The following EFCAB6 variants were observed in gnomAD, a reference collection of about 807,000 sequenced individuals.
EFCAB6 encodes the protein EF-hand calcium binding domain 6.
EFCAB6 carries 156 observed loss-of-function variants against 169.8 expected under a neutral mutation model. The ratio of observed to expected loss-of-function variants is 0.92; its 90% CI spans 0.81 to 1.05. The LOEUF (loss-of-function observed/expected upper bound fraction) is 1.05, where lower values mean the gene tolerates loss of function less well. EFCAB6 is among the 50% of genes least tolerant of loss of function. The pLI, the probability that EFCAB6 is intolerant of heterozygous loss-of-function variation, is 0.00. For synonymous variants in EFCAB6, 698 were observed against 676.4 expected, an observed-to-expected ratio of 1.03 and a Z score of -0.50; for missense variants, 1,800 against 1,829.1, an observed-to-expected ratio of 0.98 and a Z score of 0.29.
intron 8 of EFCAB6, among the ~76,000 whole-genome samples, chr22:43,721,854 C>T (rs1172110843): frequency 2.0e-5 from 3 of 152,014 alleles, no homozygotes; most frequent in Admixed American, 2.0e-4. Context: ...TTGGCTAAGT[C>T]CCCAAAAGCA....
rs545176219 is a variant in EFCAB6 at position 43,709,226 on chromosome 22, C to T, written c.1031+2249G>A. Among the ~76,000 whole-genome samples, 544 of 152,208 alleles carry T rather than the reference C, an allele frequency of 3.6e-3. 3 individuals carry two copies. Among genetic ancestry groups the T allele is most frequent in the South Asian group, 0.011 (51 of 4,824 alleles). ...CCTCCCAAATAGCTGGGATTACAGG[C>T]GCCCACCACCATGCCCGGCTAATTT... is the stretch of plus-strand genomic sequence containing the variant. On this transcript the variant is annotated intron_variant, in intron 10 of 31. Transcript: ENST00000262726.
At chr22:43,679,678 T>C (rs2057925670) in intron 12 of EFCAB6, among the ~76,000 whole-genome samples, 2 of 152,180 alleles carry the variant, frequency 1.3e-5, no homozygotes, top group African/African-American at 4.8e-5. Flanking sequence ...ATAGCCATCC[T>C]AGAGGGTGAG....
At chr22:43,748,688 GA>G (rs2060650228) in intron 6 of EFCAB6, among the ~76,000 whole-genome samples, 2 of 152,192 alleles carry the variant, frequency 1.3e-5, no homozygotes. Context: ...GGACAGGACA[GA>G]AAAGGTGCCT....
In EFCAB6 at chr22:43,540,322, G is replaced by T. The variant is rs1387518000; in HGVS notation, c.3684C>A (p.Ala1228=). 6.2e-7 allele frequency: 1 copy of T among 1,614,142 alleles called. No individual in the cohort carries two copies. The highest frequency in any genetic ancestry group is 1.3e-5 in the African/African-American group (1 of 75,042). Residue 1228 remains alanine (A), a synonymous_variant, in exon 28 of 32, where the codon GCC becomes GCA. Transcript: ENST00000262726. ...DRLWNEMPVN[A]KGRLKYPDFL... is the part of the protein sequence containing the mutation. ...AGTCCGGGTATTTCAGCCTCCCCTTGGCATTGACTGGCATCTCGTTCCAGA... is the reference window on the plus strand; with the variant it reads ...AGTCCGGGTATTTCAGCCTCCCCTTTGCATTGACTGGCATCTCGTTCCAGA...
rs1203663872 is a variant in EFCAB6, at chr22:43,595,659, A to C, written c.2876+4410T>G. 2.6e-5 allele frequency among the ~76,000 whole-genome samples: 4 copies of C among 152,160 alleles called. No individual in the cohort carries two copies. In the East Asian group the frequency reaches 7.7e-4, roughly 29 times the overall value. On this transcript the variant is annotated intron_variant, in intron 23 of 31. Transcript: ENST00000262726. Reference sequence around the variant, plus strand: ...CCTGATGGCTTCACTGCTAAAATCTACCAAACATTTAGAGAAGAACTAATA... The same window carrying C: ...CCTGATGGCTTCACTGCTAAAATCTCCCAAACATTTAGAGAAGAACTAATA...
At chr22:43,777,128 T>C (rs965622439) in intron 3 of EFCAB6, among the ~76,000 whole-genome samples, 2 of 151,942 alleles carry the variant, frequency 1.3e-5, no homozygotes, top group African/African-American at 4.8e-5. Context: ...TTAAAGAAAA[T>C]AGAGAAATCA....
chr22:43,786,115 C>A (rs1043855855), intron 2 of EFCAB6, among the ~76,000 whole-genome samples: 1 of 152,198 alleles, frequency 6.6e-6, no homozygotes, highest in Non-Finnish European at 1.5e-5. Context: ...GTAATCCCAG[C>A]ACTTTGGGAG....
intron 17 of EFCAB6, among the ~76,000 whole-genome samples, chr22:43,658,273 T>C (rs1186517366): frequency 1.3e-5 from 2 of 151,920 alleles, no homozygotes; most frequent in Non-Finnish European, 2.9e-5. Flanking sequence ...ACAAAAGGCA[T>C]CAGAGAGCAA....
chr22:43,747,135 C>T (rs2060593756), intron 6 of EFCAB6, among the ~76,000 whole-genome samples: 1 of 152,230 alleles, frequency 6.6e-6, no homozygotes, highest in Admixed American at 6.5e-5. Context: ...CCTAGCCAGC[C>T]ACAGACCACC....
At chr22:43,738,672 C>G (rs1040905936) in intron 6 of EFCAB6, among the ~76,000 whole-genome samples, 6 of 152,138 alleles carry the variant, frequency 3.9e-5, no homozygotes, top group Admixed American at 2.0e-4. Context: ...CACACCATCA[C>G]ACACACTTGC....
chr22:43,800,401 C>T (rs9626027), intron 2 of EFCAB6, among the ~76,000 whole-genome samples: 3 of 152,122 alleles, frequency 2.0e-5, no homozygotes, highest in South Asian at 2.1e-4. Flanking sequence ...TAGATAACTT[C>T]GATGCAAAAA....
At position 43,795,774 on chromosome 22, in the gene EFCAB6, T is replaced by C. The variant is rs915177466; in HGVS notation, c.-8+13221A>G. Among the ~76,000 whole-genome samples, 2 of 151,284 alleles carry C rather than the reference T, an allele frequency of 1.3e-5. No individual in the cohort carries two copies. The highest frequency in any genetic ancestry group is 2.9e-5 in the Non-Finnish European group (2 of 67,838). ...ACTGCTGCTCCAAATTACTGACAAA[T>C]AAATGGTTTTCACAGCCCTGCCATT... On this transcript the variant is annotated intron_variant, in intron 2 of 31. Transcript: ENST00000262726. This position sits in a 1 kb window ranked among gnomAD's most constrained non-coding sequence, Gnocchi z 4.2.
chr22:43,542,979 G>A lies in EFCAB6; in HGVS notation c.3649-2622C>T, dbSNP rs147507133. Among the ~76,000 whole-genome samples, 34 of 152,284 alleles carry A rather than the reference G, an allele frequency of 2.2e-4. 1 individual carries two copies. In the East Asian group the frequency reaches 6.6e-3, roughly 29 times the overall value. ...CTCCTTGAGCCACCAGCTGAACCCT[G>A]AGAAAGACACCACCATGGGTTCCCA... is the stretch of plus-strand genomic sequence containing the variant. On this transcript the variant is annotated intron_variant, in intron 27 of 31. Transcript: ENST00000262726.
At chr22:43,564,252 A>C (rs2049272603) in intron 26 of EFCAB6, among the ~76,000 whole-genome samples, 1 of 152,102 alleles carries the variant, frequency 6.6e-6, no homozygotes, top group Non-Finnish European at 1.5e-5. Context: ...GTTCGAGACC[A>C]GCCTGGCCAA....
At chr22:43,779,106 T>G (rs191109005) in intron 3 of EFCAB6, among the ~76,000 whole-genome samples, 1 of 152,144 alleles carries the variant, frequency 6.6e-6, no homozygotes, top group Non-Finnish European at 1.5e-5. Flanking sequence ...GAAAGTATTT[T>G]TAAAGAGCAC....
rs1477592870 is a variant in EFCAB6, at chr22:43,600,096, T to C, written c.2849A>G (p.Gln950Arg). Residue 950 changes from glutamine (Q) to arginine (R), a missense_variant, in exon 23 of 32, where the codon CAG becomes CGG. Coordinates refer to ENST00000262726, the MANE Select transcript of EFCAB6 (RefSeq NM_022785.4). ...QLQEEMKELQ[Q>R]STEKAVAARD... ...GGCTGCCACAGCCTTCTCTGTGCTC[T>C]GCTGCAGCTCCTTCATCTCTTCCTG... 1 of 1,614,096 alleles carries C rather than the reference T, an allele frequency of 6.2e-7. No individual in the cohort carries two copies. Among genetic ancestry groups the C allele is most frequent in the South Asian group, 1.1e-5 (1 of 91,060 alleles).
Position 43,590,331 on chromosome 22 carries a change from T to G in EFCAB6, c.2877-102A>C, listed in dbSNP as rs960945919. ...TATTCTAATGCAATGAGCTGATGGC[T>G]CATCTAAGAACTAATTTTGAAGATG... On this transcript the variant is annotated intron_variant, in intron 23 of 31. Transcript: ENST00000262726. The G allele has an allele frequency of 8.1e-6, 11 of 1,362,936 alleles. No homozygotes were observed. In the African/African-American group the frequency reaches 1.6e-4, roughly 20 times the overall value. 84.4% of individuals were successfully genotyped at this position (1,362,936 alleles called of 1,614,324 possible). A position where few individuals can be genotyped will look rare whatever the true frequency, so the allele number is the denominator to read the frequency against.
At chr22:43,652,557 C>T (rs1273837497) in intron 17 of EFCAB6, among the ~76,000 whole-genome samples, 1 of 152,148 alleles carries the variant, frequency 6.6e-6, no homozygotes, top group Non-Finnish European at 1.5e-5. Context: ...ATGCTAACAG[C>T]CTTGCCAAAA....
At chr22:43,790,610 C>T (rs999035105) in intron 2 of EFCAB6, among the ~76,000 whole-genome samples, 2 of 152,220 alleles carry the variant, frequency 1.3e-5, no homozygotes, top group Admixed American at 6.5e-5. Context: ...AGATGAAGGA[C>T]AGCCTTGCAG....
Sources: allele counts gnomAD v4.1 joint callset (sites outside exome capture counted in the v4.1 genomes callset), GRCh38; gene constraint gnomAD v4.1.1; non-coding constraint Gnocchi (gnomAD v3.1); transcripts MANE v1.5; gene names NCBI Gene and HGNC (gene_info 2026-07-23, HGNC 2026-07-21).